The following CADM2 variants were observed in gnomAD, a reference collection of about 807,000 sequenced individuals.
CADM2 encodes the protein cell adhesion molecule 2, also known as immunoglobulin superfamily member 4D.
In CADM2, 12 loss-of-function variants were observed where a neutral mutation model predicts 49.8. The ratio of observed to expected loss-of-function variants is 0.24; its 90% CI spans 0.15 to 0.39. The LOEUF is 0.39. Among genes scored for constraint, CADM2 ranks in the 10% least tolerant of loss-of-function variants. CADM2 has a pLI of 1.00. For synonymous variants in CADM2, 214 were observed against 175.4 expected (o/e 1.22, Z -1.74); for missense variants, 378 against 492.3 (o/e 0.77, Z 2.20).
chr3:85,222,481 G>T (rs2042064416), intron 1 of CADM2, among the ~76,000 whole-genome samples: 1 of 152,158 alleles, frequency 6.6e-6, no homozygotes, highest in Non-Finnish European at 1.5e-5. Flanking sequence ...TTCCGTGGCT[G>T]TTTCCTTCAC....
At chr3:86,013,451 G>A in intron 8 of CADM2, 1 of 1,587,148 alleles carries the variant, frequency 6.3e-7, no homozygotes, top group Non-Finnish European at 8.6e-7. Context: ...TTCAAGCACT[G>A]CTGGAGTGCC....
At chr3:85,683,273 C>T (rs2066092250) in intron 1 of CADM2, among the ~76,000 whole-genome samples, 1 of 152,024 alleles carries the variant, frequency 6.6e-6, no homozygotes, top group African/African-American at 2.4e-5. Context: ...ACTATTCTGT[C>T]TAAAAGCTTC....
chr3:85,849,764 T>A (rs1192761185), intron 3 of CADM2, among the ~76,000 whole-genome samples: 1 of 152,182 alleles, frequency 6.6e-6, no homozygotes, highest in Non-Finnish European at 1.5e-5. Flanking sequence ...TTGACTTTAA[T>A]AGCCATACTC....
chr3:85,384,991 A>G (rs1445718779), intron 1 of CADM2, among the ~76,000 whole-genome samples: 1 of 151,992 alleles, frequency 6.6e-6, no homozygotes, highest in Non-Finnish European at 1.5e-5. Context: ...GCTGGAGTGT[A>G]GTGGTGTGAT....
chr3:85,926,046 A>T (rs1464122028), intron 6 of CADM2, among the ~76,000 whole-genome samples: 1 of 151,950 alleles, frequency 6.6e-6, no homozygotes, highest in African/African-American at 2.4e-5. Context: ...CTGAGGCAGG[A>T]GAATGGCATG....
intron 1 of CADM2, among the ~76,000 whole-genome samples, chr3:85,467,686 T>G (rs1026120723): frequency 6.6e-6 from 1 of 152,146 alleles, no homozygotes; most frequent in African/African-American, 2.4e-5. Flanking sequence ...TGAGCTAAAA[T>G]AGTGTTTTCT....
intron 1 of CADM2, among the ~76,000 whole-genome samples, chr3:85,681,687 T>C (rs2066043527): frequency 6.6e-6 from 1 of 152,124 alleles, no homozygotes; most frequent in East Asian, 1.9e-4. Context: ...CAAATTTTCA[T>C]GATAAATTTC....
intron 1 of CADM2, among the ~76,000 whole-genome samples, chr3:85,677,594 G>C (rs1003698444): frequency 1.8e-4 from 27 of 151,996 alleles, no homozygotes; most frequent in Non-Finnish European, 1.5e-5. Context: ...AAAATATATA[G>C]ATAAAATAAA....
At chr3:85,221,499 T>C (rs2042043502) in intron 1 of CADM2, among the ~76,000 whole-genome samples, 1 of 151,976 alleles carries the variant, frequency 6.6e-6, no homozygotes, top group Non-Finnish European at 1.5e-5. Context: ...CAATAACCAA[T>C]CTGAAAAACA....
chr3:85,096,895 AT>A (rs1222578477), intron 1 of CADM2, among the ~76,000 whole-genome samples: 3 of 152,084 alleles, frequency 2.0e-5, no homozygotes, highest in African/African-American at 4.8e-5. Context: ...CTGTCAAGTT[AT>A]TTTTTTCTGC....
At chr3:85,385,210 C>G (rs550662289) in intron 1 of CADM2, among the ~76,000 whole-genome samples, 75 of 152,314 alleles carry the variant, frequency 4.9e-4, no homozygotes, top group South Asian at 1.2e-3. Context: ...TCTGGGATTA[C>G]AGGCGTTAGC....
chr3:85,977,601 C>T (rs940224734), intron 8 of CADM2, among the ~76,000 whole-genome samples: 2 of 151,520 alleles, frequency 1.3e-5, no homozygotes, highest in Non-Finnish European at 3.0e-5. Flanking sequence ...TTTAAGAAAT[C>T]TTACCTTGAA....
At chr3:85,753,489 TC>T (rs1395106945) in intron 2 of CADM2, among the ~76,000 whole-genome samples, 1 of 152,106 alleles carries the variant, frequency 6.6e-6, no homozygotes, top group Non-Finnish European at 1.5e-5. Context: ...TTGCAGTTTC[TC>T]CTGTCATAAT....
At chr3:85,783,032 A>G (rs1035230569) in intron 2 of CADM2, among the ~76,000 whole-genome samples, 89 of 152,180 alleles carry the variant, frequency 5.8e-4, no homozygotes, top group Admixed American at 5.5e-3. Context: ...AACAGGGCCC[A>G]ATATTAGTAC....
chr3:85,526,162 C>G (rs1231299377), intron 1 of CADM2, among the ~76,000 whole-genome samples: 1 of 151,922 alleles, frequency 6.6e-6, no homozygotes, highest in Non-Finnish European at 1.5e-5. Flanking sequence ...AAATTTTATA[C>G]CTCATCCCAT....
At chr3:85,393,097 A>AAC (rs138754406) in intron 1 of CADM2, among the ~76,000 whole-genome samples, 41,480 of 150,642 alleles carry the variant, frequency 0.28, 6,090 homozygotes, top group South Asian at 0.34. Context: ...TTTAAAAAAA[A>AAC]AAAAAAGAAA....
chr3:85,423,371 G>A lies in CADM2; in HGVS notation c.62-303151G>A, dbSNP rs543213391. ...AATGCCTGTTCTCATTTAGGGCCAC[G>A]GGTCCAGACTTGAGGTTGGAGCCCT... is the stretch of plus-strand genomic sequence containing the variant. On this transcript the variant is annotated intron_variant, in intron 1 of 9. Transcript: ENST00000383699. Among the ~76,000 whole-genome samples the A allele has an allele frequency of 2.6e-5, 4 of 152,190 alleles. No homozygotes were observed. The East Asian group carries it at 5.8e-4, about 22-fold the overall frequency.
At chr3:85,964,296 C>A (rs1026102057) in intron 8 of CADM2, among the ~76,000 whole-genome samples, 1 of 151,718 alleles carries the variant, frequency 6.6e-6, no homozygotes, top group African/African-American at 2.4e-5. Flanking sequence ...TAATATAGCT[C>A]TAGTACAGAG....
chr3:85,129,771 C>G (rs1457262462), intron 1 of CADM2, among the ~76,000 whole-genome samples: 1 of 152,236 alleles, frequency 6.6e-6, no homozygotes, highest in Non-Finnish European at 1.5e-5. Flanking sequence ...CCACACTTTA[C>G]GTAATTTGGC....
Sources: gnomAD v4.1 joint callset for allele counts (sites outside exome capture counted in the v4.1 genomes callset) on GRCh38, gnomAD v4.1.1 for gene constraint, MANE v1.5 for transcripts, NCBI Gene and HGNC (gene_info 2026-07-23, HGNC 2026-07-21) for gene names.